Variants in MID1 observed in about 807,000 individuals in gnomAD.
The protein encoded by MID1 is E3 ubiquitin-protein ligase Midline-1.
MID1 carries 7 observed loss-of-function variants against 40.4 expected under a neutral mutation model. That is an observed-to-expected ratio of 0.17 (90% CI 0.10 to 0.33). The LOEUF is 0.33. Among genes scored for constraint, MID1 ranks in the 10% least tolerant of loss-of-function variants. The probability of loss-of-function intolerance (pLI) is 1.00; values close to 1 mark genes in which losing one functional copy is unlikely to be tolerated. For missense variants in MID1, 367 were observed against 558.5 expected (o/e 0.66, Z 3.46); for synonymous variants, 229 against 221.2 (o/e 1.04, Z -0.31).
At chrX:10,820,527 T>C (rs1206881918) in intron 1 of MID1, among the ~76,000 whole-genome samples, 1 of 111,605 alleles carries the variant, frequency 9.0e-6, no homozygotes, top group Non-Finnish European at 1.9e-5. Flanking sequence ...TATTAAACAA[T>C]CATATAGAGT....
intron 1 of MID1, among the ~76,000 whole-genome samples, chrX:10,642,798 A>G (rs1469993864): frequency 9.0e-6 from 1 of 110,625 alleles, no homozygotes; most frequent in Non-Finnish European, 1.9e-5. Flanking sequence ...ACAGCATGAT[A>G]CTGGTACCAA....
intron 1 of MID1, among the ~76,000 whole-genome samples, chrX:10,635,398 G>A (rs959883992): frequency 4.3e-4 from 48 of 112,046 alleles, no homozygotes; most frequent in African/African-American, 1.3e-3. Context: ...ACTTAGGAAT[G>A]TTTCATGGTA....
At chrX:10,598,745 A>C (rs1935460916) in intron 1 of MID1, among the ~76,000 whole-genome samples, 1 of 111,513 alleles carries the variant, frequency 9.0e-6, no homozygotes, top group Admixed American at 9.5e-5. Flanking sequence ...TTCTGCCAAC[A>C]ACCAGAGCGA....
upstream of MID1, among the ~76,000 whole-genome samples, chrX:10,624,669 G>A (rs978356630): frequency 1.8e-5 from 2 of 111,748 alleles, no homozygotes; most frequent in African/African-American, 6.5e-5. Context: ...GGAGTGCAGT[G>A]GCATAATCTC....
intron 1 of MID1, among the ~76,000 whole-genome samples, chrX:10,713,697 C>T (rs2043283624): frequency 8.9e-6 from 1 of 111,972 alleles, no homozygotes. Flanking sequence ...TTAACCTCAA[C>T]AACTTTAACT....
chrX:10,592,349 C>T (rs750435940), intron 1 of MID1, among the ~76,000 whole-genome samples: 149 of 104,029 alleles, frequency 1.4e-3, no homozygotes, highest in African/African-American at 4.9e-3. Flanking sequence ...TTTTCTCCTC[C>T]TCACTTCCTG....
intron 1 of MID1, among the ~76,000 whole-genome samples, chrX:10,613,398 C>T (rs1452817695): frequency 9.1e-6 from 1 of 109,469 alleles, no homozygotes; most frequent in Non-Finnish European, 1.9e-5. Context: ...AAAATGTGGC[C>T]ACCATCTACA....
intron 1 of MID1, among the ~76,000 whole-genome samples, chrX:10,698,776 C>T (rs1020716029): frequency 1.8e-5 from 2 of 110,149 alleles, no homozygotes; most frequent in South Asian, 3.9e-4. Flanking sequence ...CCTCCTTCCC[C>T]GTAAAGGCAG....
At chrX:10,722,074 A>T (rs996815661) in intron 1 of MID1, among the ~76,000 whole-genome samples, 3 of 110,979 alleles carry the variant, frequency 2.7e-5, no homozygotes, top group African/African-American at 9.9e-5. Flanking sequence ...TTTTTATGTT[A>T]TCCTATGCTA....
intron 1 of MID1, among the ~76,000 whole-genome samples, chrX:10,755,103 T>C (rs1281942089): frequency 8.9e-6 from 1 of 111,867 alleles, no homozygotes; most frequent in African/African-American, 3.3e-5. Context: ...CCTATTTAGC[T>C]AGTTATAAGT....
intron 1 of MID1, among the ~76,000 whole-genome samples, chrX:10,608,427 A>C (rs980594287): frequency 1.8e-5 from 2 of 112,313 alleles, no homozygotes; most frequent in Non-Finnish European, 3.8e-5. Flanking sequence ...CGACTGATAC[A>C]TGCAACAACT....
chrX:10,505,775 C>A lies in MID1; in HGVS notation c.757-10084G>T. 3 of 751,212 alleles carry A rather than the reference C, an allele frequency of 4.0e-6. No homozygotes were observed. In the South Asian group the frequency reaches 2.0e-4, roughly 51 times the overall value. 61.9% of individuals were successfully genotyped at this position (751,212 alleles called of 1,213,427 possible). A position where few individuals can be genotyped will look rare whatever the true frequency, so the allele number is the denominator to read the frequency against. On this transcript the variant is annotated intron_variant, in intron 3 of 9. Coordinates refer to ENST00000317552, the MANE Select transcript of MID1 (RefSeq NM_000381.4). ...CTCTACTCTATGACTTTACCTTAAT[C>A]ACTTTCAATCTTACATGTTATTTCT...
chrX:10,593,176 AT>A (rs1935343904), intron 1 of MID1, among the ~76,000 whole-genome samples: 1 of 112,544 alleles, frequency 8.9e-6, no homozygotes, highest in South Asian at 3.7e-4. Context: ...GTGCATTTAC[AT>A]GCTAAACAAA....
intron 1 of MID1, among the ~76,000 whole-genome samples, chrX:10,589,228 A>G (rs1389017204): frequency 1.8e-5 from 2 of 111,995 alleles, no homozygotes; most frequent in East Asian, 2.8e-4. Context: ...AGTCAAGTCA[A>G]AAACAAAAAC....
At chrX:10,587,817 C>A (rs1203788621) in intron 1 of MID1, among the ~76,000 whole-genome samples, 1 of 110,914 alleles carries the variant, frequency 9.0e-6, no homozygotes, top group African/African-American at 3.3e-5. Flanking sequence ...TACCATTTTA[C>A]ATTTAACAAT....
At chrX:10,452,518 C>T (rs947062963) in intron 9 of MID1, among the ~76,000 whole-genome samples, 5 of 111,925 alleles carry the variant, frequency 4.5e-5, no homozygotes, top group Non-Finnish European at 7.5e-5. Context: ...GCAATGTTAA[C>T]GTGCCCCATT....
At chrX:10,698,197 T>A (rs1415919245) in intron 1 of MID1, among the ~76,000 whole-genome samples, 1 of 111,847 alleles carries the variant, frequency 8.9e-6, no homozygotes, top group Non-Finnish European at 1.9e-5. Flanking sequence ...GAGGGACCAT[T>A]TACTCTGGTC....
chrX:10,586,079 G>A (rs1935135578), intron 1 of MID1, among the ~76,000 whole-genome samples: 1 of 110,974 alleles, frequency 9.0e-6, no homozygotes, highest in African/African-American at 3.3e-5. Flanking sequence ...TCATTTCCCG[G>A]GCTACATACC....
chrX:10,657,146 C>A (rs1462449457), intron 1 of MID1, among the ~76,000 whole-genome samples: 2 of 111,296 alleles, frequency 1.8e-5, no homozygotes, highest in East Asian at 5.6e-4. Context: ...CTCCCTTGTC[C>A]CTCAGATAGG....
Sources: allele counts gnomAD v4.1 joint callset (sites outside exome capture counted in the v4.1 genomes callset), GRCh38; gene constraint gnomAD v4.1.1; transcripts MANE v1.5; gene names NCBI Gene and HGNC (gene_info 2026-07-23, HGNC 2026-07-21).